The following RBFOX1 variants were observed in gnomAD, a reference collection of about 807,000 sequenced individuals.
RBFOX1 encodes RNA binding fox-1 homolog 1.
Under a neutral mutation model 57.7 loss-of-function variants are expected in RBFOX1, and 8 were observed. The ratio of observed to expected loss-of-function variants is 0.14; its 90% CI spans 0.08 to 0.25. RBFOX1 has a LOEUF of 0.25. Among genes scored for constraint, RBFOX1 ranks in the 10% least tolerant of loss-of-function variants. The pLI is 1.00. For missense variants in RBFOX1, 611 were observed against 548.5 expected (o/e 1.11, Z -1.14); for synonymous variants, 326 against 222.4 (o/e 1.47, Z -4.15).
At chr16:6,803,789 C>T (rs561804248) in intron 3 of RBFOX1, among the ~76,000 whole-genome samples, 15 of 152,190 alleles carry the variant, frequency 9.9e-5, no homozygotes, top group East Asian at 5.8e-4. Context: ...AAGGAATGTT[C>T]GTTAGAGAGT....
intron 4 of RBFOX1, among the ~76,000 whole-genome samples, chr16:7,220,670 G>A (rs530086173): frequency 4.6e-5 from 7 of 152,140 alleles, no homozygotes; most frequent in Non-Finnish European, 8.8e-5. Flanking sequence ...TTGTACATGG[G>A]GGGATGGCAG....
At chr16:6,903,312 C>T (rs956097636) in intron 3 of RBFOX1, among the ~76,000 whole-genome samples, 1 of 152,100 alleles carries the variant, frequency 6.6e-6, no homozygotes, top group African/African-American at 2.4e-5. Flanking sequence ...AGGTCAGCAG[C>T]CCTTACAGCC....
intron 2 of RBFOX1, among the ~76,000 whole-genome samples, chr16:6,377,446 C>A (rs1255112245): frequency 6.6e-6 from 1 of 152,122 alleles, no homozygotes; most frequent in Admixed American, 6.5e-5. Context: ...GTTATCCAAC[C>A]CAGTGTACAA....
chr16:6,430,491 CAAGTG>C (rs933088224), intron 2 of RBFOX1, among the ~76,000 whole-genome samples: 2 of 152,116 alleles, frequency 1.3e-5, no homozygotes, highest in African/African-American at 4.8e-5. Flanking sequence ...TAGGCAAACT[CAAGTG>C]GAGTTGAATT....
chr16:7,425,268 G>A (rs1195979182), intron 4 of RBFOX1, among the ~76,000 whole-genome samples: 1 of 152,182 alleles, frequency 6.6e-6, no homozygotes, highest in Non-Finnish European at 1.5e-5. Flanking sequence ...AATGAGAGAA[G>A]TGGGGTTTAA....
At chr16:7,149,064 T>C (rs2075609093) in intron 4 of RBFOX1, among the ~76,000 whole-genome samples, 2 of 152,204 alleles carry the variant, frequency 1.3e-5, no homozygotes, top group African/African-American at 4.8e-5. Context: ...TGTTCTTTTT[T>C]TCTAAAACAT....
At chr16:7,104,851 A>G (rs2063300874) in intron 4 of RBFOX1, among the ~76,000 whole-genome samples, 1 of 152,154 alleles carries the variant, frequency 6.6e-6, no homozygotes, top group East Asian at 1.9e-4. Context: ...GGGAGAACTC[A>G]CTGGTGTACA....
At chr16:7,418,132 G>A (rs979483600) in intron 4 of RBFOX1, among the ~76,000 whole-genome samples, 1 of 152,054 alleles carries the variant, frequency 6.6e-6, no homozygotes, top group Non-Finnish European at 1.5e-5. Context: ...GCCAACCTAG[G>A]TCCATTAGCC....
intron 4 of RBFOX1, among the ~76,000 whole-genome samples, chr16:7,212,405 C>T (rs1054534347): frequency 6.6e-6 from 1 of 152,118 alleles, no homozygotes; most frequent in Non-Finnish European, 1.5e-5. Flanking sequence ...GTGTTATTAG[C>T]AACCCCTCTT....
At chr16:5,488,472 G>A (rs111173939) in intron 2 of RBFOX1, among the ~76,000 whole-genome samples, 2 of 150,596 alleles carry the variant, frequency 1.3e-5, no homozygotes, top group South Asian at 2.1e-4. Context: ...GGTGTGGTGG[G>A]GTGTGATGGT....
chr16:6,213,996 C>T (rs2097315134), intron 1 of RBFOX1, among the ~76,000 whole-genome samples: 2 of 152,138 alleles, frequency 1.3e-5, no homozygotes, highest in African/African-American at 4.8e-5. Context: ...GACAAATGTC[C>T]CCTGGGAAGC....
At chr16:7,499,612 A>G (rs1017464829) in intron 4 of RBFOX1, among the ~76,000 whole-genome samples, 1 of 152,232 alleles carries the variant, frequency 6.6e-6, no homozygotes, top group African/African-American at 2.4e-5. Context: ...TCTAAAGAAG[A>G]TAGACACGTT....
At chr16:7,118,550 A>T (rs2066426105) in intron 4 of RBFOX1, among the ~76,000 whole-genome samples, 1 of 152,120 alleles carries the variant, frequency 6.6e-6, no homozygotes, top group Non-Finnish European at 1.5e-5. Flanking sequence ...ATGTAAGCAA[A>T]AGCCACCTGT....
chr16:5,749,879 C>T (rs1287051113), intron 3 of RBFOX1, among the ~76,000 whole-genome samples: 1 of 152,210 alleles, frequency 6.6e-6, no homozygotes, highest in African/African-American at 2.4e-5. Flanking sequence ...CGAAGTCATT[C>T]TCCGTCTAGC....
chr16:7,159,331 A>T (rs2077799101), intron 4 of RBFOX1, among the ~76,000 whole-genome samples: 1 of 152,056 alleles, frequency 6.6e-6, no homozygotes, highest in Non-Finnish European at 1.5e-5. Context: ...AGAGACAGGG[A>T]TTGAGAGGGG....
At chr16:6,877,353 C>T (rs1603635533) in intron 3 of RBFOX1, among the ~76,000 whole-genome samples, 1 of 152,090 alleles carries the variant, frequency 6.6e-6, no homozygotes, top group African/African-American at 2.4e-5. Context: ...TTTAGCAGAA[C>T]ACAAAAATGT....
intron 3 of RBFOX1, among the ~76,000 whole-genome samples, chr16:5,842,890 C>G (rs1221022078): frequency 6.6e-6 from 1 of 152,186 alleles, no homozygotes; most frequent in Non-Finnish European, 1.5e-5. Context: ...ATGATCCTGG[C>G]TCACTGCAAC....
At chr16:6,161,821 C>G (rs1254478900) in intron 1 of RBFOX1, among the ~76,000 whole-genome samples, 1 of 152,166 alleles carries the variant, frequency 6.6e-6, no homozygotes, top group African/African-American at 2.4e-5. Flanking sequence ...AGATACTTTT[C>G]TTTTGTGAAG....
intron 3 of RBFOX1, among the ~76,000 whole-genome samples, chr16:5,670,258 T>C (rs565572690): frequency 6.6e-6 from 1 of 152,326 alleles, no homozygotes; most frequent in Non-Finnish European, 1.5e-5. Flanking sequence ...CAGATAGCGA[T>C]GATGGTTGCT....
Sources: gnomAD v4.1 joint callset for allele counts (sites outside exome capture counted in the v4.1 genomes callset) on GRCh38, gnomAD v4.1.1 for gene constraint, MANE v1.5 for transcripts, NCBI Gene and HGNC (gene_info 2026-07-23, HGNC 2026-07-21) for gene names.